The following UCK1 variants were observed in gnomAD, a reference collection of about 807,000 sequenced individuals.
The protein encoded by UCK1 is uridine-cytidine kinase 1.
In UCK1, 20 loss-of-function variants were observed where a neutral mutation model predicts 34.0. The ratio of observed to expected loss-of-function variants is 0.59; its 90% CI spans 0.41 to 0.86. The LOEUF (loss-of-function observed/expected upper bound fraction) is 0.86, where lower values mean the gene tolerates loss of function less well. Ranked by LOEUF, UCK1 falls within the 40% of genes least tolerant of loss-of-function variation. UCK1 has a pLI of 0.00. For synonymous variants in UCK1, 168 were observed against 155.9 expected (o/e 1.08, Z -0.58); for missense variants, 343 against 383.6 (o/e 0.89, Z 0.88).
chr9:131,526,576 G>A (rs1950612136), intron 5 of UCK1: 1 of 1,254,396 alleles, frequency 8.0e-7, no homozygotes, highest in Non-Finnish European at 1.0e-6. Context: ...CAGCCAGATG[G>A]TGGGGGTTGG....
rs1950494888 is a variant in UCK1 at position 131,524,359 on chromosome 9, CT to C, written c.*680del. 6.6e-6 allele frequency: 1 copy of C among 152,372 alleles called. No homozygotes were observed. The highest frequency in any genetic ancestry group is 1.5e-5 in the Non-Finnish European group (1 of 68,126). 9.4% of individuals were successfully genotyped at this position (152,372 alleles called of 1,614,324 possible). On this transcript the variant is annotated 3_prime_UTR_variant, in exon 7 of 7. Coordinates refer to ENST00000372215, the MANE Select transcript of UCK1 (RefSeq NM_031432.5). ...GCTCCCAGCCTGGCCCCGCACAAGC[CT>C]GGGTGTGATGCTGGGTGCTTCCAGG...
rs115982079 is a variant in UCK1 at position 131,528,309 on chromosome 9, A to G, written c.603+635T>C. Among the ~76,000 whole-genome samples the G allele has an allele frequency of 4.5e-3, 681 of 152,364 alleles. 6 individuals are homozygous for G. Among genetic ancestry groups the G allele is most frequent in the African/African-American group, 0.016 (662 of 41,588 alleles). Reference sequence around the variant, plus strand: ...CCGTGCAAAACACTCCCATTTGAGTAGAGCCACGAGTCCCACCAAGCCAGA... The same window carrying G: ...CCGTGCAAAACACTCCCATTTGAGTGGAGCCACGAGTCCCACCAAGCCAGA... On this transcript the variant is annotated intron_variant, in intron 5 of 6. Transcript: ENST00000372215.
chr9:131,531,025 G>A (rs2131993071), intron 1 of UCK1, 42 bp downstream of exon 1: 2 of 1,315,980 alleles, frequency 1.5e-6, no homozygotes, highest in East Asian at 6.3e-5. Flanking sequence ...CCGCCCGTAG[G>A]CACCGGCGAG....
In UCK1 at chr9:131,524,036, C is replaced by CCAGA. The variant is rs1431972868; in HGVS notation, c.*1000_*1003dup. On this transcript the variant is annotated 3_prime_UTR_variant, in exon 7 of 7. Coordinates refer to ENST00000372215, the MANE Select transcript of UCK1 (RefSeq NM_031432.5). ...AGGAGGGAGGATCACCCCAGGCAACCCAGACACGGGTGTTCACATGTGAGG... is the reference window on the plus strand; with the variant it reads ...AGGAGGGAGGATCACCCCAGGCAACCCAGACAGACACGGGTGTTCACATGTGAGG... 6.6e-6 allele frequency: 1 copy of CCAGA among 152,290 alleles called. No individual in the cohort carries two copies. The highest frequency in any genetic ancestry group is 2.4e-5 in the African/African-American group (1 of 41,454). The allele number at this position is 152,290 out of a possible 1,614,324, so 9.4% of individuals were successfully genotyped here. A position where few individuals can be genotyped will look rare whatever the true frequency, so the allele number is the denominator to read the frequency against.
At chr9:131,530,784 G>A in intron 1 of UCK1, 139 bp from the exon 2 acceptor site, 2 of 1,497,208 alleles carry the variant, frequency 1.3e-6, no homozygotes, top group South Asian at 1.2e-5. Flanking sequence ...GGTGTGGATG[G>A]TCTCAGCGGA....
rs72757667 is a variant in UCK1, at chr9:131,524,322, C to T, written c.*718G>A. ...AGACCTGGCCTCCGCTGCCTTCTGCCCTACTGCATGGGCTCCCAGCCTGGC... is the reference window on the plus strand; with the variant it reads ...AGACCTGGCCTCCGCTGCCTTCTGCTCTACTGCATGGGCTCCCAGCCTGGC... On this transcript the variant is annotated 3_prime_UTR_variant, in exon 7 of 7. Coordinates refer to ENST00000372215, the MANE Select transcript of UCK1 (RefSeq NM_031432.5). 1,562 of 152,502 alleles carry T rather than the reference C, an allele frequency of 0.01. 24 individuals are homozygous for T. Among genetic ancestry groups the T allele is most frequent in the Non-Finnish European group, 0.013 (865 of 68,134 alleles). 9.4% of individuals were successfully genotyped at this position (152,502 alleles called of 1,614,324 possible).
At chr9:131,530,868 G>C (rs571531505) in intron 1 of UCK1, among the ~76,000 whole-genome samples, 199 bp downstream of exon 1, 27 of 152,286 alleles carry the variant, frequency 1.8e-4, no homozygotes, top group African/African-American at 6.5e-4. Flanking sequence ...GAGGCTGTGG[G>C]GGAGCCCCGA....
intron 5 of UCK1, among the ~76,000 whole-genome samples, chr9:131,527,118 G>A (rs1468698427): frequency 1.4e-5 from 2 of 144,672 alleles, no homozygotes; most frequent in African/African-American, 5.2e-5. Context: ...AGGAGTTTGA[G>A]ACCAGCCCAG....
In UCK1 at chr9:131,529,013, C is replaced by T. The variant is rs1387426868; in HGVS notation, c.534G>A (p.Arg178=). The stretch of plus-strand genomic sequence containing the variant: ...ACTGCGTCAGAATCTGCTCCAGGTC[C>T]CTCCCTCGGCGCACGTCCCGGAGAA... The part of the protein sequence containing the change: ...RRVLRDVRRG[R]DLEQILTQYT... Residue 178 remains arginine, a synonymous_variant, in exon 5 of 7, where the codon AGG becomes AGA. Transcript: ENST00000372215. The T allele has an allele frequency of 6.2e-7, 1 of 1,614,080 alleles. No individual in the cohort carries two copies. The highest frequency in any genetic ancestry group is 1.1e-5 in the South Asian group (1 of 91,088).
At position 131,531,212 on chromosome 9, in the gene UCK1, G is replaced by A. The variant is rs1410873343; in HGVS notation, c.-38C>T. The A allele has an allele frequency of 5.1e-5, 69 of 1,353,920 alleles. No homozygotes were observed. Among genetic ancestry groups the A allele is most frequent in the Non-Finnish European group, 6.6e-5 (69 of 1,052,990 alleles). The allele number at this position is 1,353,920 out of a possible 1,614,324, so 83.9% of individuals were successfully genotyped here. On this transcript the variant is annotated 5_prime_UTR_variant, in exon 1 of 7. Transcript: ENST00000372215. ...TCCCGCGCATCGGGTCCCCGCGCCC[G>A]CCCCTTCCCCAGGCCCGGCGCGCCC... is the stretch of plus-strand genomic sequence containing the variant.
rs1950603638 is a variant in UCK1, at chr9:131,526,367, G to C, written c.604-390C>G. On this transcript the variant is annotated intron_variant, in intron 5 of 6. Transcript: ENST00000372215. ...GTTCCTCTGGAATCATGAAGCTTCTGCAAATACCCTGGCACAGCAACAGGA... is the reference window on the plus strand; with the variant it reads ...GTTCCTCTGGAATCATGAAGCTTCTCCAAATACCCTGGCACAGCAACAGGA... 15 of 1,229,542 alleles carry C rather than the reference G, an allele frequency of 1.2e-5. No homozygotes were observed. The South Asian group carries it at 1.9e-4, about 15-fold the overall frequency. 76.2% of individuals were successfully genotyped at this position (1,229,542 alleles called of 1,614,324 possible). A position where few individuals can be genotyped will look rare whatever the true frequency, so the allele number is the denominator to read the frequency against.
chr9:131,526,809 A>C (rs1950623108), intron 5 of UCK1, among the ~76,000 whole-genome samples: 1 of 152,248 alleles, frequency 6.6e-6, no homozygotes, highest in Admixed American at 6.5e-5. Context: ...GTGGGACCCC[A>C]TCTCATGAAA....
intron 5 of UCK1, among the ~76,000 whole-genome samples, chr9:131,527,830 T>C (rs1443018446): frequency 6.6e-6 from 1 of 151,938 alleles, no homozygotes; most frequent in African/African-American, 2.4e-5. Flanking sequence ...TGAGCTGTGA[T>C]TGCACCACTG....
chr9:131,530,834 G>A, intron 1 of UCK1, 189 bp from the exon 2 acceptor site: 2 of 1,115,772 alleles, frequency 1.8e-6, no homozygotes, highest in East Asian at 2.6e-5. Flanking sequence ...CGGACTTGGG[G>A]CTCCGAGGAG....
At chr9:131,526,094 G>T in intron 5 of UCK1, 117 bp from the exon 6 acceptor site, 1 of 1,164,142 alleles carries the variant, frequency 8.6e-7, no homozygotes, top group Non-Finnish European at 1.3e-6. Flanking sequence ...CAGAGGTGCT[G>T]GTGTCATCGG....
At position 131,529,556 on chromosome 9, in the gene UCK1, C is replaced by T. The variant is rs767132723; in HGVS notation, c.297G>A (p.Arg99=). ...TGCCCTCCACGATGTTCTTCAGAGT[C>T]CTGTGCATCAAATCATTATCAAAGG... ...PDAFDNDLMH[R]TLKNIVEGKT... is the part of the protein sequence containing the mutation. Residue 99 remains arginine (R), a synonymous_variant, in exon 3 of 7, where the codon AGG becomes AGA. Transcript: ENST00000372215. The T allele has an allele frequency of 3.3e-5, 54 of 1,614,174 alleles. No homozygotes were observed. The East Asian group carries it at 1.1e-3, about 33-fold the overall frequency.
At chr9:131,529,696 C>T in intron 2 of UCK1, 112 bp from the exon 3 acceptor site, 1 of 908,296 alleles carries the variant, frequency 1.1e-6, no homozygotes, top group South Asian at 1.4e-5. Flanking sequence ...CACCGAGAAC[C>T]CTAGCACAGG....
chr9:131,525,321 T>A, intron 6 of UCK1, 100 bp from the exon 7 acceptor site: 1 of 1,474,326 alleles, frequency 6.8e-7, no homozygotes, highest in East Asian at 2.3e-5. Flanking sequence ...GCCCAACCTC[T>A]GCCCTGAGGC....
intron 5 of UCK1, among the ~76,000 whole-genome samples, chr9:131,526,950 A>G (rs2131980749): frequency 6.6e-6 from 1 of 152,248 alleles, no homozygotes; most frequent in South Asian, 2.1e-4. Context: ...GGAAATACCT[A>G]CGGGGTCCAG....
Sources: gnomAD v4.1 joint callset for allele counts (sites outside exome capture counted in the v4.1 genomes callset) on GRCh38, gnomAD v4.1.1 for gene constraint, MANE v1.5 for transcripts, NCBI Gene and HGNC (gene_info 2026-07-23, HGNC 2026-07-21) for gene names.